CELF2: variants seen among roughly 807,000 people sequenced by gnomAD.
CELF2 encodes the protein CUG triplet repeat RNA-binding protein 2.
In CELF2, 8 loss-of-function variants were observed where a neutral mutation model predicts 62.6. The observed-to-expected ratio is 0.13, with a 90% CI of 0.07 to 0.23. The LOEUF is 0.23. CELF2 is among the 10% of genes least tolerant of loss of function. The probability of loss-of-function intolerance (pLI) is 1.00; values close to 1 mark genes in which losing one functional copy is unlikely to be tolerated. For missense variants in CELF2, 333 were observed against 671.0 expected (o/e 0.50, Z 5.56); for synonymous variants, 258 against 250.0 (o/e 1.03, Z -0.30).
Position 11,032,515 on chromosome 10 carries a change from C to G in CELF2, c.74+14352C>G, listed in dbSNP as rs1035087135. Among the ~76,000 whole-genome samples, 32 of 152,158 alleles carry G rather than the reference C, an allele frequency of 2.1e-4. 1 individual carries two copies. Among genetic ancestry groups the G allele is most frequent in the Admixed American group, 1.0e-3 (16 of 15,278 alleles). On this transcript the variant is annotated intron_variant, in intron 1 of 12. Coordinates refer to ENST00000633077, the MANE Select transcript of CELF2 (RefSeq NM_001326342.2). Reference sequence around the variant, plus strand: ...GAGTAGCATTTTAAAATCTAAGGAACTGTTTAATGAAATAGATGTTCCTTG... The same window carrying G: ...GAGTAGCATTTTAAAATCTAAGGAAGTGTTTAATGAAATAGATGTTCCTTG...
the CELF2 span, among the ~76,000 whole-genome samples, chr10:10,727,505 G>T: frequency 1.2e-4 from 18 of 152,220 alleles, no homozygotes; most frequent in East Asian, 1.5e-3. Context: ...GGCCGGGCGC[G>T]GTGGCTCATG....
chr10:10,495,334 T>C, the CELF2 span, among the ~76,000 whole-genome samples: 1 of 152,194 alleles, frequency 6.6e-6, no homozygotes, highest in Non-Finnish European at 1.5e-5. Flanking sequence ...ATATTATGTA[T>C]GGAACATTAA....
At position 10,799,444 on chromosome 10, in the gene CELF2, A is replaced by G. The variant is rs974737288; in HGVS notation, c.53+627A>G. ...GGTTGCAGTGAGCAGAGATCACACC[A>G]GTGCACTCCAGCCTGTGCAACAGAG... On this transcript the variant is annotated intron_variant, in intron 1 of 13. Coordinates refer to the CELF2 transcript ENST00000636488. Among the ~76,000 whole-genome samples, 22 of 152,278 alleles carry G rather than the reference A, an allele frequency of 1.4e-4. 1 individual carries two copies. The East Asian group carries it at 1.7e-3, about 12-fold the overall frequency.
intron 1 of CELF2, among the ~76,000 whole-genome samples, chr10:10,807,260 G>C (rs1221819796): frequency 6.6e-6 from 1 of 152,092 alleles, no homozygotes; most frequent in African/African-American, 2.4e-5. Flanking sequence ...ATGTTCTTAG[G>C]CTTGCCAGGA....
At chr10:10,666,583 C>CTGGTTTAACCTTTAGCCTATTTT in the CELF2 span, among the ~76,000 whole-genome samples, 4 of 138,484 alleles carry the variant, frequency 2.9e-5, no homozygotes, top group South Asian at 2.8e-4. Flanking sequence ...AAGAAAGAGG[C>CTGGTTTAACCTTTAGCCTATTTT]CGGGCGCGGT....
At chr10:11,229,763 T>C (rs993397740) in intron 3 of CELF2, among the ~76,000 whole-genome samples, 97 of 152,150 alleles carry the variant, frequency 6.4e-4, no homozygotes, top group Non-Finnish European at 4.4e-5. Flanking sequence ...CTAAGTTTTA[T>C]ATTTTTAGCA....
the CELF2 span, among the ~76,000 whole-genome samples, chr10:10,512,212 A>G: frequency 6.6e-6 from 1 of 152,144 alleles, no homozygotes. Flanking sequence ...TCTGAAGCCT[A>G]GAGTGGGAAC....
At chr10:10,725,407 G>A in the CELF2 span, among the ~76,000 whole-genome samples, 1 of 152,260 alleles carries the variant, frequency 6.6e-6, no homozygotes, top group South Asian at 2.1e-4. Context: ...CAACAGTACG[G>A]GATTGTGACG....
the CELF2 span, among the ~76,000 whole-genome samples, chr10:10,511,300 A>G: frequency 1.3e-5 from 2 of 152,090 alleles, no homozygotes; most frequent in African/African-American, 4.8e-5. Flanking sequence ...AATCCCAGCC[A>G]CTGGAGAGAC....
At chr10:10,661,957 C>T in the CELF2 span, among the ~76,000 whole-genome samples, 1 of 152,092 alleles carries the variant, frequency 6.6e-6, no homozygotes, top group African/African-American at 2.4e-5. Flanking sequence ...TGAGGACAGC[C>T]CTGCTCCAGG....
the CELF2 span, among the ~76,000 whole-genome samples, chr10:10,760,724 C>G: frequency 6.6e-6 from 1 of 152,022 alleles, no homozygotes; most frequent in Non-Finnish European, 1.5e-5. Context: ...CACGTCCAAG[C>G]AAACGAGGAA....
chr10:11,179,611 C>T (rs1339501511), intron 2 of CELF2, among the ~76,000 whole-genome samples: 2 of 152,126 alleles, frequency 1.3e-5, no homozygotes, highest in Non-Finnish European at 2.9e-5. Context: ...GTTGAGAACC[C>T]TACGTGCCAG....
rs1202844392 is a variant in CELF2, at chr10:11,268,594, C to T, written c.618+1917C>T. On this transcript the variant is annotated intron_variant, in intron 6 of 12. Coordinates refer to ENST00000633077, the MANE Select transcript of CELF2 (RefSeq NM_001326342.2). The surrounding 1 kb of genome is among the most constrained non-coding windows in gnomAD (Gnocchi z 4.7). The stretch of plus-strand genomic sequence containing the variant: ...CATATTTATTCCTAAGCCTTTGATC[C>T]TTTATTATTAATATCTCTGTTATTT... Among the ~76,000 whole-genome samples the T allele has an allele frequency of 3.3e-5, 5 of 152,108 alleles. No homozygotes were observed. Among genetic ancestry groups the T allele is most frequent in the Admixed American group, 6.6e-5 (1 of 15,264 alleles).
chr10:10,582,873 T>C, the CELF2 span, among the ~76,000 whole-genome samples: 14 of 152,186 alleles, frequency 9.2e-5, no homozygotes, highest in Admixed American at 9.2e-4. Context: ...ATACAAATAC[T>C]GTGTAGAATT....
At position 11,297,264 on chromosome 10, in the gene CELF2, C is replaced by G. The variant is rs2093289872; in HGVS notation, c.976+8712C>G. The stretch of plus-strand genomic sequence containing the variant: ...CGGACATTCCGTGAAATGTGTCCAG[C>G]AGCAGTTGGATGTGTGACCATCAGG... On this transcript the variant is annotated intron_variant, in intron 9 of 12. Coordinates refer to ENST00000633077, the MANE Select transcript of CELF2 (RefSeq NM_001326342.2). This position sits in a 1 kb window ranked among gnomAD's most constrained non-coding sequence, Gnocchi z 4.4. Among the ~76,000 whole-genome samples, 1 of 152,182 alleles carries G rather than the reference C, an allele frequency of 6.6e-6. No individual in the cohort carries two copies. The highest frequency in any genetic ancestry group is 6.5e-5 in the Admixed American group (1 of 15,278).
At chr10:10,553,743 G>C in the CELF2 span, among the ~76,000 whole-genome samples, 2 of 152,164 alleles carry the variant, frequency 1.3e-5, no homozygotes, top group Admixed American at 1.3e-4. Context: ...TTGCGGCAGA[G>C]AACACTGCGA....
chr10:10,564,686 A>ACACGCG, the CELF2 span, among the ~76,000 whole-genome samples: 25 of 117,598 alleles, frequency 2.1e-4, no homozygotes, highest in African/African-American at 8.3e-4. Flanking sequence ...ACACACGCAC[A>ACACGCG]CACACACACA....
At chr10:10,935,170 C>T (rs2066492582) in intron 2 of CELF2, 1 of 152,230 alleles carries the variant, frequency 6.6e-6, no homozygotes, top group Non-Finnish European at 1.5e-5. Flanking sequence ...CCTTTCACAC[C>T]TTGGCCTGGT....
the CELF2 span, among the ~76,000 whole-genome samples, chr10:10,632,740 A>T: frequency 7.5e-4 from 115 of 152,366 alleles, no homozygotes; most frequent in African/African-American, 2.6e-3. Flanking sequence ...TATAAAATTC[A>T]GAAGGTAGAA....
Sources: gnomAD v4.1 joint callset for allele counts (sites outside exome capture counted in the v4.1 genomes callset) on GRCh38, gnomAD v4.1.1 for gene constraint, Gnocchi (gnomAD v3.1) non-coding constraint, MANE v1.5 for transcripts, NCBI Gene and HGNC (gene_info 2026-07-23, HGNC 2026-07-21) for gene names.